CPEB3: variants seen among roughly 807,000 people sequenced by gnomAD.
CPEB3 encodes cytoplasmic polyadenylation element-binding protein 3.
CPEB3 carries 20 observed loss-of-function variants against 67.2 expected under a neutral mutation model. The observed-to-expected ratio is 0.30, with a 90% confidence interval of 0.21 to 0.43. CPEB3 has a LOEUF of 0.43. Among genes scored for constraint, CPEB3 ranks in the 20% least tolerant of loss-of-function variants. The pLI is 1.00. For missense variants in CPEB3, 746 were observed against 968.6 expected (o/e 0.77, Z 3.05); for synonymous variants, 376 against 393.1 (o/e 0.96, Z 0.51).
At chr10:92,080,206 C>CAA (rs1176662337) in intron 9 of CPEB3, among the ~76,000 whole-genome samples, 1,609 of 102,166 alleles carry the variant, frequency 0.016, 33 homozygotes, top group African/African-American at 0.052. Context: ...GACTCCGTCT[C>CAA]AAAAAAAAAA....
intron 1 of CPEB3, 26 bp from the exon 2 acceptor site, chr10:92,240,387 G>T: frequency 7.0e-7 from 1 of 1,437,502 alleles, no homozygotes; most frequent in Non-Finnish European, 9.2e-7. Flanking sequence ...AGAGAGACGC[G>T]TTATTGTCAA....
At chr10:92,136,955 G>A (rs1846130621) in intron 6 of CPEB3, 1 of 183,338 alleles carries the variant, frequency 5.5e-6, no homozygotes, top group African/African-American at 2.4e-5. Flanking sequence ...TGACAGTTTT[G>A]ATGATATGAA....
intron 2 of CPEB3, among the ~76,000 whole-genome samples, chr10:92,205,629 A>G (rs1273453251): frequency 6.6e-6 from 1 of 151,862 alleles, no homozygotes; most frequent in African/African-American, 2.4e-5. Flanking sequence ...GGTGTGCGCC[A>G]TGATGCCCAG....
At chr10:92,256,898 G>T (rs11186878) in intron 1 of CPEB3, among the ~76,000 whole-genome samples, 33,791 of 152,108 alleles carry the variant, frequency 0.22, 4,713 homozygotes, top group Middle Eastern at 0.34. Flanking sequence ...AGACCTCCAG[G>T]TTTGGGACTA....
chr10:92,173,611 T>C (rs1477222971), intron 4 of CPEB3, among the ~76,000 whole-genome samples: 4 of 152,194 alleles, frequency 2.6e-5, no homozygotes, highest in African/African-American at 9.7e-5. Context: ...ATTAAGTTTC[T>C]AAAGCAAAAG....
chr10:92,058,498 G>T (rs540871287), intron 9 of CPEB3, among the ~76,000 whole-genome samples: 1 of 152,042 alleles, frequency 6.6e-6, no homozygotes, highest in Non-Finnish European at 1.5e-5. Context: ...GCAGTGAGCT[G>T]AGATCGTGCC....
intron 1 of CPEB3, among the ~76,000 whole-genome samples, chr10:92,278,118 G>A (rs1025437563): frequency 6.6e-6 from 1 of 151,652 alleles, no homozygotes; most frequent in Admixed American, 6.6e-5. Context: ...CCAGGAAGAG[G>A]AGGTTGCAGT....
chr10:92,240,428 G>A, intron 1 of CPEB3, 67 bp from the exon 2 acceptor site: 2 of 1,380,630 alleles, frequency 1.4e-6, no homozygotes, highest in Non-Finnish European at 1.9e-6. Flanking sequence ...GCTGAAGCGG[G>A]CGGGTGTTTC....
chr10:92,052,183 C>T lies in CPEB3; in HGVS notation c.*29G>A, dbSNP rs1234859790. Reference sequence around the variant, plus strand: ...TCTTTTCCCTCCTTGTTATCTACTCCAGTACTTGTGGCTGGGTCGGCCCGT... The same window carrying T: ...TCTTTTCCCTCCTTGTTATCTACTCTAGTACTTGTGGCTGGGTCGGCCCGT... On this transcript the variant is annotated 3_prime_UTR_variant, in exon 10 of 10. Transcript: ENST00000265997. 2.0e-6 allele frequency: 3 copies of T among 1,517,138 alleles called. No individual in the cohort carries two copies. Among genetic ancestry groups the T allele is most frequent in the African/African-American group, 1.4e-5 (1 of 73,172 alleles). 94.0% of individuals were successfully genotyped at this position (1,517,138 alleles called of 1,614,324 possible). A position where few individuals can be genotyped will look rare whatever the true frequency, so the allele number is the denominator to read the frequency against.
At chr10:92,170,589 C>T (rs376488507) in intron 4 of CPEB3, among the ~76,000 whole-genome samples, 5 of 141,822 alleles carry the variant, frequency 3.5e-5, no homozygotes, top group South Asian at 4.4e-4. Flanking sequence ...TAGCACATTG[C>T]TAAATGAAAC....
At chr10:92,241,245 G>A (rs1851837860) in intron 1 of CPEB3, among the ~76,000 whole-genome samples, 1 of 149,536 alleles carries the variant, frequency 6.7e-6, no homozygotes, top group Non-Finnish European at 1.5e-5. Flanking sequence ...TTTCTCTGCA[G>A]AGTGGAGAAA....
chr10:92,186,404 C>A (rs763905608), intron 3 of CPEB3, among the ~76,000 whole-genome samples: 70 of 149,946 alleles, frequency 4.7e-4, no homozygotes, highest in Non-Finnish European at 5.8e-4. Flanking sequence ...TAATAATAAT[C>A]ATCATCATCT....
intron 7 of CPEB3, among the ~76,000 whole-genome samples, chr10:92,105,143 G>A (rs547147340): frequency 6.6e-6 from 1 of 152,260 alleles, no homozygotes; most frequent in South Asian, 2.1e-4. Context: ...TTTCCGAGGT[G>A]GGATATGACA....
At chr10:92,100,000 T>C (rs548573027) in intron 7 of CPEB3, among the ~76,000 whole-genome samples, 1 of 152,182 alleles carries the variant, frequency 6.6e-6, no homozygotes, top group South Asian at 2.1e-4. Context: ...CCTGTCTCTA[T>C]GAAAACCTTT....
intron 9 of CPEB3, among the ~76,000 whole-genome samples, chr10:92,057,788 C>A (rs1365902777): frequency 1.3e-5 from 2 of 152,074 alleles, no homozygotes; most frequent in African/African-American, 4.8e-5. Context: ...GGGAAGAGAA[C>A]AAGAATCTCT....
chr10:92,165,953 T>C (rs1430794086), intron 4 of CPEB3, among the ~76,000 whole-genome samples: 3 of 152,230 alleles, frequency 2.0e-5, no homozygotes, highest in Non-Finnish European at 2.9e-5. Flanking sequence ...TTCAAATTCC[T>C]GTCAGTGTTG....
chr10:92,139,289 T>C (rs1179870664), intron 6 of CPEB3, among the ~76,000 whole-genome samples: 3 of 71,168 alleles, frequency 4.2e-5, no homozygotes, highest in East Asian at 4.5e-4. Flanking sequence ...CACACACACA[T>C]AAAAAAAAAA....
chr10:92,161,280 C>T (rs1273437198), intron 4 of CPEB3, among the ~76,000 whole-genome samples: 1 of 150,992 alleles, frequency 6.6e-6, no homozygotes, highest in Non-Finnish European at 1.5e-5. Context: ...TTTGGTTTGG[C>T]TTTTTTTTGA....
Position 92,240,176 on chromosome 10 carries a change from C to A in CPEB3, c.175G>T (p.Ala59Ser). 6.5e-7 allele frequency: 1 copy of A among 1,538,936 alleles called. No homozygotes were observed. Among genetic ancestry groups the A allele is most frequent in the African/African-American group, 1.4e-5 (1 of 73,396 alleles). The stretch of plus-strand genomic sequence containing the variant: ...CCGTTGGGGGCCGGGGGGGCAGCGG[C>A]TGGGCTGAGGGCCGGCACTGCGCTG... ...ENSAVPALSP[A>S]AAPPAPNGPD... Residue 59 changes from alanine to serine, a missense_variant, in exon 2 of 10, where the codon GCC becomes TCC. Coordinates refer to ENST00000265997, the MANE Select transcript of CPEB3 (RefSeq NM_014912.5).
Sources: gnomAD v4.1 joint callset for allele counts (sites outside exome capture counted in the v4.1 genomes callset) on GRCh38, gnomAD v4.1.1 for gene constraint, MANE v1.5 for transcripts, NCBI Gene and HGNC (gene_info 2026-07-23, HGNC 2026-07-21) for gene names.